SULF1: variants seen among roughly 807,000 people sequenced by gnomAD.
SULF1 encodes sulfatase 1.
Under a neutral mutation model 110.5 loss-of-function variants are expected in SULF1, and 46 were observed. The observed-to-expected ratio is 0.42, with a 90% CI of 0.33 to 0.53. The LOEUF (loss-of-function observed/expected upper bound fraction) is 0.53, where lower values mean the gene tolerates loss of function less well. SULF1 is among the 20% of genes least tolerant of loss of function. SULF1 has a pLI of 0.12. For missense variants in SULF1, 941 were observed against 1,094.2 expected (o/e 0.86, Z 1.98); for synonymous variants, 371 against 387.1 (o/e 0.96, Z 0.49).
chr8:69,569,122 A>G (rs188771310), intron 5 of SULF1, among the ~76,000 whole-genome samples: 2 of 152,178 alleles, frequency 1.3e-5, no homozygotes, highest in African/African-American at 2.4e-5. Context: ...CTGACTCAAC[A>G]TGGCATTTCT....
At chr8:69,475,019 T>C (rs1409096431) in intron 1 of SULF1, among the ~76,000 whole-genome samples, 1 of 152,018 alleles carries the variant, frequency 6.6e-6, no homozygotes, top group Non-Finnish European at 1.5e-5. Context: ...AATCTCATGA[T>C]CTGTATGACA....
intron 2 of SULF1, among the ~76,000 whole-genome samples, chr8:69,496,418 T>C (rs549471948): frequency 1.3e-5 from 2 of 152,258 alleles, no homozygotes; most frequent in African/African-American, 4.8e-5. Context: ...GAAATCATCT[T>C]TGACTTTTGA....
intron 3 of SULF1, among the ~76,000 whole-genome samples, chr8:69,549,726 C>T (rs1465390891): frequency 1.3e-5 from 2 of 152,108 alleles, no homozygotes; most frequent in African/African-American, 4.8e-5. Context: ...TGACTGACTG[C>T]GTGACTATGC....
At chr8:69,514,594 C>T (rs1193178338) in intron 3 of SULF1, among the ~76,000 whole-genome samples, 1 of 152,186 alleles carries the variant, frequency 6.6e-6, no homozygotes, top group Non-Finnish European at 1.5e-5. Context: ...TTCCCAATAG[C>T]CCCCTAAAGT....
At chr8:69,542,432 T>G (rs1813921284) in intron 3 of SULF1, among the ~76,000 whole-genome samples, 1 of 151,910 alleles carries the variant, frequency 6.6e-6, no homozygotes, top group South Asian at 2.1e-4. Context: ...TGATGGAGTG[T>G]TCTGTGGTGT....
At chr8:69,484,663 A>C (rs1338517441) in intron 1 of SULF1, among the ~76,000 whole-genome samples, 1 of 152,192 alleles carries the variant, frequency 6.6e-6, no homozygotes, top group Non-Finnish European at 1.5e-5. Flanking sequence ...TATAGTCTGC[A>C]TGACAAAAAG....
intron 3 of SULF1, among the ~76,000 whole-genome samples, chr8:69,512,189 T>C (rs1808655911): frequency 6.6e-6 from 1 of 152,092 alleles, no homozygotes; most frequent in African/African-American, 2.4e-5. Context: ...TAGTGTTCGG[T>C]TTCCCTACTT....
intron 3 of SULF1, among the ~76,000 whole-genome samples, chr8:69,503,703 C>G (rs1039961937): frequency 2.6e-5 from 4 of 152,284 alleles, no homozygotes; most frequent in Admixed American, 6.5e-5. Context: ...ACAAGAGCAC[C>G]CTTCATCTTC....
rs1241781178 is a variant in SULF1, at chr8:69,660,111, C to A, written c.*1576C>A. On this transcript the variant is annotated 3_prime_UTR_variant, in exon 23 of 23. Coordinates refer to ENST00000402687, the MANE Select transcript of SULF1 (RefSeq NM_001128205.2). ...CTCAAAGCGTTCATCATACATCATA[C>A]CTTTAAGATTGCTATATTTTGGGTT... 1 of 152,394 alleles carries A rather than the reference C, an allele frequency of 6.6e-6. No individual in the cohort carries two copies. Among genetic ancestry groups the A allele is most frequent in the East Asian group, 1.9e-4 (1 of 5,180 alleles). 9.4% of individuals were successfully genotyped at this position (152,394 alleles called of 1,614,324 possible). A position where few individuals can be genotyped will look rare whatever the true frequency, so the allele number is the denominator to read the frequency against.
chr8:69,540,249 TA>T (rs1205275678), intron 3 of SULF1, among the ~76,000 whole-genome samples: 1 of 152,202 alleles, frequency 6.6e-6, no homozygotes, highest in African/African-American at 2.4e-5. Flanking sequence ...ATAAAGACAC[TA>T]ATAAGACCCT....
chr8:69,543,555 G>T (rs967764038), intron 3 of SULF1, among the ~76,000 whole-genome samples: 1 of 152,120 alleles, frequency 6.6e-6, no homozygotes, highest in African/African-American at 2.4e-5. Flanking sequence ...ACATGATCTT[G>T]TTCTTTTTTA....
At chr8:69,585,352 A>T (rs1806375855) in intron 6 of SULF1, among the ~76,000 whole-genome samples, 1 of 152,180 alleles carries the variant, frequency 6.6e-6, no homozygotes, top group Non-Finnish European at 1.5e-5. Context: ...AATTACAAAT[A>T]ACATCCTCTT....
intron 3 of SULF1, among the ~76,000 whole-genome samples, chr8:69,503,166 A>C (rs535645986): frequency 6.6e-6 from 1 of 152,322 alleles, no homozygotes; most frequent in South Asian, 2.1e-4. Context: ...TATCGAATTA[A>C]ACATTTTTGC....
At chr8:69,639,010 C>T in intron 21 of SULF1, 152 bp downstream of exon 21, 3 of 850,324 alleles carry the variant, frequency 3.5e-6, no homozygotes, top group Non-Finnish European at 5.3e-6. Flanking sequence ...ACAATTTGAT[C>T]TCTAAGTTTA....
chr8:69,483,077 T>G (rs1809571522), intron 1 of SULF1, among the ~76,000 whole-genome samples: 2 of 152,222 alleles, frequency 1.3e-5, no homozygotes, highest in Admixed American at 1.3e-4. Context: ...GGAAGATGTG[T>G]GTAGATTATA....
intron 1 of SULF1, among the ~76,000 whole-genome samples, chr8:69,484,752 C>T (rs1478289852): frequency 6.6e-6 from 1 of 152,134 alleles, no homozygotes; most frequent in Non-Finnish European, 1.5e-5. Context: ...AAAGGAGAAA[C>T]AGTCAAGCAA....
At chr8:69,561,305 G>A (rs1331678896) in intron 3 of SULF1, among the ~76,000 whole-genome samples, 4 of 151,748 alleles carry the variant, frequency 2.6e-5, no homozygotes, top group African/African-American at 4.8e-5. Context: ...ATACACTGTG[G>A]CAGAAAAAAA....
chr8:69,576,297 C>T, intron 6 of SULF1, 88 bp downstream of exon 6: 2 of 1,435,272 alleles, frequency 1.4e-6, no homozygotes, highest in Non-Finnish European at 9.5e-7. Flanking sequence ...GCATGAAGTT[C>T]CAACAAATAC....
chr8:69,505,175 A>G (rs1221485816), intron 3 of SULF1, among the ~76,000 whole-genome samples: 2 of 152,220 alleles, frequency 1.3e-5, no homozygotes, highest in African/African-American at 2.4e-5. Flanking sequence ...GATAGGTTGT[A>G]TTCACATATG....
Sources: gnomAD v4.1 joint callset for allele counts (sites outside exome capture counted in the v4.1 genomes callset) on GRCh38, gnomAD v4.1.1 for gene constraint, MANE v1.5 for transcripts, NCBI Gene and HGNC (gene_info 2026-07-23, HGNC 2026-07-21) for gene names.